The following KCND3 variants were observed in gnomAD, a reference collection of about 807,000 sequenced individuals.
The protein encoded by KCND3 is A-type voltage-gated potassium channel KCND3.
Under a neutral mutation model 51.1 loss-of-function variants are expected in KCND3, and 9 were observed. The observed-to-expected ratio is 0.18, with a 90% CI of 0.11 to 0.31. The LOEUF (loss-of-function observed/expected upper bound fraction) is 0.31. Ranked by LOEUF, KCND3 falls within the 10% of genes least tolerant of loss-of-function variation. The pLI is 1.00. For synonymous variants in KCND3, 349 were observed against 368.0 expected, an observed-to-expected ratio of 0.95 and a Z score of 0.59; for missense variants, 526 against 903.8, an observed-to-expected ratio of 0.58 and a Z score of 5.36.
At chr1:111,906,016 C>T (rs1175029957) in intron 2 of KCND3, among the ~76,000 whole-genome samples, 1 of 152,190 alleles carries the variant, frequency 6.6e-6, no homozygotes, top group East Asian at 1.9e-4. Context: ...ACTAGGAGAA[C>T]CCAATGTTTT....
Position 111,776,162 on chromosome 1 carries a change from TC to T in KCND3, c.1882del (p.Glu628LysfsTer18). On this transcript the variant is annotated frameshift_variant, in exon 8 of 8. Transcript: ENST00000302127. LOFTEE classifies it high-confidence loss of function. ...PTPPALTPEGESRPPPASPGP... is the reference protein window; with the variant it reads ...PTPPALTPEGXSRPPPASPGP... ...TGGGCTGGCAGGGGGTGGCCGACTT[TC>T]CCCCTCTGGGGTTAGCGCTGGGGGA... The T allele has an allele frequency of 5.6e-6, 9 of 1,614,126 alleles. No homozygotes were observed. The highest frequency in any genetic ancestry group is 6.8e-6 in the Non-Finnish European group (8 of 1,180,008).
Position 111,982,139 on chromosome 1 carries a change from C to T in KCND3, c.588G>A (p.Ser196=), listed in dbSNP as rs1440701882. 1.9e-6 allele frequency: 3 copies of T among 1,613,780 alleles called. No homozygotes were observed. The highest frequency in any genetic ancestry group is 1.3e-5 in the African/African-American group (1 of 74,954). Residue 196 remains serine, a synonymous_variant, in exon 2 of 8, where the codon TCG becomes TCA. Transcript: ENST00000302127. This position sits in a 1 kb window ranked among gnomAD's most constrained non-coding sequence, Gnocchi z 8.5. The part of the protein sequence containing the change: ...YYVTGFFIAV[S]VITNVVETVP... Reference sequence around the variant, plus strand: ...CCGTCTCCACCACGTTGGTGATGACCGAGACAGCGATGAAGAAGCCAGTCA... The same window carrying T: ...CCGTCTCCACCACGTTGGTGATGACTGAGACAGCGATGAAGAAGCCAGTCA...
Position 111,949,683 on chromosome 1 carries a change from T to C in KCND3, c.1106+31938A>G, listed in dbSNP as rs186106709. 2.7e-3 allele frequency among the ~76,000 whole-genome samples: 413 copies of C among 152,202 alleles called. 2 individuals carry two copies. Among genetic ancestry groups the C allele is most frequent in the African/African-American group, 9.6e-3 (400 of 41,542 alleles). ...CTCCCACCCTCATATTTTTAGTTGA[T>C]TCCTTCTGCCTAGAACAGGCTCCTA... On this transcript the variant is annotated intron_variant, in intron 2 of 7. Transcript: ENST00000302127.
intron 2 of KCND3, among the ~76,000 whole-genome samples, chr1:111,842,935 G>A (rs542784786): frequency 6.6e-6 from 1 of 152,300 alleles, no homozygotes; most frequent in Admixed American, 6.5e-5. Flanking sequence ...GGCATCTTGA[G>A]GGCAAAGATT....
chr1:111,872,157 T>C (rs1668853174), intron 2 of KCND3, among the ~76,000 whole-genome samples: 1 of 152,204 alleles, frequency 6.6e-6, no homozygotes, highest in African/African-American at 2.4e-5. Flanking sequence ...ACAATAACCC[T>C]TTAAGGTGGG....
intron 2 of KCND3, among the ~76,000 whole-genome samples, chr1:111,814,808 G>A (rs919708924): frequency 6.6e-5 from 10 of 152,320 alleles, no homozygotes; most frequent in Non-Finnish European, 1.2e-4. Context: ...ATCCCATCCC[G>A]ACGGCTATCT....
rs145924151 is a variant in KCND3, at chr1:111,927,494, T to G, written c.1106+54127A>C. On this transcript the variant is annotated intron_variant, in intron 2 of 7. Transcript: ENST00000302127. ...GATTGACAGCCCATGTCCTCCTGTG[T>G]AGCTGACTGCATTACAGGTGAAAGG... 9.2e-5 allele frequency among the ~76,000 whole-genome samples: 14 copies of G among 152,354 alleles called. No individual in the cohort carries two copies. The East Asian group carries it at 2.7e-3, about 29-fold the overall frequency.
chr1:111,962,599 A>G (rs1673723091), intron 2 of KCND3, among the ~76,000 whole-genome samples: 1 of 152,220 alleles, frequency 6.6e-6, no homozygotes, highest in African/African-American at 2.4e-5. Flanking sequence ...CTCCGTAGAA[A>G]CAACTTGGAC....
intron 2 of KCND3, among the ~76,000 whole-genome samples, chr1:111,855,473 G>C (rs1324204235): frequency 6.6e-6 from 1 of 152,184 alleles, no homozygotes; most frequent in Admixed American, 6.5e-5. Context: ...TCCTTGAGCT[G>C]AGTCTTTGTC....
chr1:111,889,383 T>A (rs985378787), intron 2 of KCND3, among the ~76,000 whole-genome samples: 1 of 152,202 alleles, frequency 6.6e-6, no homozygotes, highest in Non-Finnish European at 1.5e-5. Flanking sequence ...AATAGGCATT[T>A]ATGGAGCACT....
intron 3 of KCND3, among the ~76,000 whole-genome samples, chr1:111,785,958 C>T (rs1664587312): frequency 6.6e-6 from 1 of 152,190 alleles, no homozygotes; most frequent in Non-Finnish European, 1.5e-5. Flanking sequence ...AAACCCCAAG[C>T]CTCCAAAAGC....
At chr1:111,803,354 T>C (rs187880881) in intron 2 of KCND3, among the ~76,000 whole-genome samples, 7 of 152,342 alleles carry the variant, frequency 4.6e-5, no homozygotes, top group Admixed American at 4.6e-4. Flanking sequence ...TCTGATTCTC[T>C]TTCAGTCTCT....
intron 2 of KCND3, among the ~76,000 whole-genome samples, chr1:111,868,559 G>A (rs748847700): frequency 6.6e-6 from 1 of 152,040 alleles, no homozygotes; most frequent in Non-Finnish European, 1.5e-5. Context: ...GGGCATGGGG[G>A]GGACTACCAT....
rs1445088212 is a variant in KCND3, at chr1:111,771,222, C to T, written c.*4855G>A. The T allele has an allele frequency of 6.6e-6, 1 of 152,156 alleles. No individual in the cohort carries two copies. Among genetic ancestry groups the T allele is most frequent in the African/African-American group, 2.4e-5 (1 of 41,420 alleles). 9.4% of individuals were successfully genotyped at this position (152,156 alleles called of 1,614,324 possible). A position where few individuals can be genotyped will look rare whatever the true frequency, so the allele number is the denominator to read the frequency against. Reference sequence around the variant, plus strand: ...AGAAAACAAGACTTAAAAGGAACCCCTTTAAAGCTGTTTCATTTTCTGATA... The same window carrying T: ...AGAAAACAAGACTTAAAAGGAACCCTTTTAAAGCTGTTTCATTTTCTGATA... On this transcript the variant is annotated 3_prime_UTR_variant, in exon 8 of 8. Coordinates refer to ENST00000302127, the MANE Select transcript of KCND3 (RefSeq NM_001378969.1).
intron 2 of KCND3, among the ~76,000 whole-genome samples, chr1:111,844,359 T>C (rs566965745): frequency 6.6e-6 from 1 of 152,346 alleles, no homozygotes; most frequent in East Asian, 1.9e-4. Context: ...TTTCCATTTT[T>C]TAAAGGATCC....
intron 2 of KCND3, among the ~76,000 whole-genome samples, chr1:111,819,036 C>G (rs572375772): frequency 5.6e-4 from 85 of 152,010 alleles, no homozygotes; most frequent in Non-Finnish European, 7.1e-4. Context: ...TGCTCCGTTG[C>G]CCGGGCTGGA....
intron 2 of KCND3, among the ~76,000 whole-genome samples, chr1:111,911,459 G>A (rs2995808): frequency 6.6e-6 from 1 of 152,142 alleles, no homozygotes; most frequent in Non-Finnish European, 1.5e-5. Context: ...CACAACAAGG[G>A]TGTAGTATAA....
chr1:111,778,403 A>G (rs769042515), intron 6 of KCND3, 33 bp downstream of exon 6: 11 of 1,592,892 alleles, frequency 6.9e-6, no homozygotes, highest in Admixed American at 3.3e-5. Flanking sequence ...TATCAGAGAG[A>G]AAAACATCAA....
At chr1:111,984,403 C>T (rs1250583407) in intron 1 of KCND3, among the ~76,000 whole-genome samples, 1 of 152,200 alleles carries the variant, frequency 6.6e-6, no homozygotes, top group Non-Finnish European at 1.5e-5. Flanking sequence ...TCCCTAACTG[C>T]AGGGCTGTCA....
Sources: allele counts gnomAD v4.1 joint callset (sites outside exome capture counted in the v4.1 genomes callset), GRCh38; gene constraint gnomAD v4.1.1; non-coding constraint Gnocchi (gnomAD v3.1); transcripts MANE v1.5; gene names NCBI Gene and HGNC (gene_info 2026-07-23, HGNC 2026-07-21).